The following APH1B variants were observed in gnomAD, a reference collection of about 807,000 sequenced individuals.
APH1B encodes the protein gamma-secretase subunit APH-1B.
Under a neutral mutation model 28.2 loss-of-function variants are expected in APH1B, and 27 were observed. The ratio of observed to expected loss-of-function variants is 0.96; its 90% CI spans 0.70 to 1.32. The LOEUF is 1.32. APH1B is among the 40% of genes most tolerant of loss of function. APH1B has a pLI of 0.00. For synonymous variants in APH1B, 141 were observed against 124.6 expected, an observed-to-expected ratio of 1.13 and a Z score of -0.88; for missense variants, 305 against 313.6, an observed-to-expected ratio of 0.97 and a Z score of 0.21.
intron 4 of APH1B, among the ~76,000 whole-genome samples, chr15:63,288,559 G>T (rs958666626): frequency 6.6e-6 from 1 of 152,124 alleles, no homozygotes; most frequent in African/African-American, 2.4e-5. Flanking sequence ...TGTGAATCCT[G>T]TATGCAACTA....
chr15:63,302,788 G>C (rs1415361475), intron 5 of APH1B, among the ~76,000 whole-genome samples: 1 of 152,048 alleles, frequency 6.6e-6, no homozygotes, highest in African/African-American at 2.4e-5. Flanking sequence ...TTCCAGACTC[G>C]GCACCATGAC....
At chr15:63,281,542 A>AC (rs2038387850) in intron 2 of APH1B, among the ~76,000 whole-genome samples, 3 of 132,624 alleles carry the variant, frequency 2.3e-5, no homozygotes, top group African/African-American at 8.4e-5. Flanking sequence ...TTGAAAAAAA[A>AC]AAAAAAAAAC....
chr15:63,280,572 C>A (rs553030075), intron 2 of APH1B, among the ~76,000 whole-genome samples: 1 of 152,292 alleles, frequency 6.6e-6, no homozygotes, highest in South Asian at 2.1e-4. Flanking sequence ...ATACTGAATT[C>A]CCTTTTCGTA....
intron 4 of APH1B, among the ~76,000 whole-genome samples, chr15:63,288,962 A>G (rs2038475918): frequency 6.6e-6 from 1 of 152,216 alleles, no homozygotes; most frequent in Admixed American, 6.5e-5. Context: ...AGGTTTTGCC[A>G]GCTTTTTTCA....
rs2038694113 is a variant in APH1B at position 63,307,040 on chromosome 15, G to A, written c.*1259G>A. On this transcript the variant is annotated 3_prime_UTR_variant, in exon 6 of 6. Coordinates refer to ENST00000261879, the MANE Select transcript of APH1B (RefSeq NM_031301.4). ...AATCGTGCCTTTACTATTAGAAATT[G>A]TTCCCAGTTGATGTCTTTTGGGGAG... 1 of 152,128 alleles carries A rather than the reference G, an allele frequency of 6.6e-6. No homozygotes were observed. The highest frequency in any genetic ancestry group is 1.5e-5 in the Non-Finnish European group (1 of 68,034). The allele number at this position is 152,128 out of a possible 1,614,324, so 9.4% of individuals were successfully genotyped here. A position where few individuals can be genotyped will look rare whatever the true frequency, so the allele number is the denominator to read the frequency against.
At chr15:63,300,672 C>T (rs954136076) in intron 4 of APH1B, among the ~76,000 whole-genome samples, 1 of 152,200 alleles carries the variant, frequency 6.6e-6, no homozygotes, top group African/African-American at 2.4e-5. Flanking sequence ...GAAACTGTTT[C>T]TCTTCTAATT....
chr15:63,303,476 A>G (rs541741668), intron 5 of APH1B, among the ~76,000 whole-genome samples: 2 of 152,226 alleles, frequency 1.3e-5, no homozygotes, highest in Non-Finnish European at 2.9e-5. Flanking sequence ...TAATTTACCC[A>G]TTTGACAGCA....
chr15:63,279,118 T>C, intron 1 of APH1B, 43 bp from the exon 2 acceptor site: 1 of 1,474,734 alleles, frequency 6.8e-7, no homozygotes, highest in Non-Finnish European at 9.2e-7. Flanking sequence ...TTATTAATCC[T>C]GTACTGATGT....
chr15:63,285,202 A>G (rs1420234741), intron 2 of APH1B, among the ~76,000 whole-genome samples: 1 of 152,180 alleles, frequency 6.6e-6, no homozygotes, highest in Non-Finnish European at 1.5e-5. Flanking sequence ...TGAATTCTAC[A>G]TTGCCTTAAT....
At chr15:63,287,806 A>G (rs1179067542) in intron 4 of APH1B, among the ~76,000 whole-genome samples, 1 of 152,226 alleles carries the variant, frequency 6.6e-6, no homozygotes, top group Non-Finnish European at 1.5e-5. Context: ...TTGAAATGTT[A>G]GAAGTGAATT....
intron 2 of APH1B, among the ~76,000 whole-genome samples, chr15:63,283,226 A>T (rs1055543558): frequency 6.6e-6 from 1 of 152,190 alleles, no homozygotes; most frequent in East Asian, 1.9e-4. Context: ...AAATAGCTAA[A>T]ATCTTTGATT....
chr15:63,283,066 G>C (rs1368308529), intron 2 of APH1B, among the ~76,000 whole-genome samples: 1 of 152,144 alleles, frequency 6.6e-6, no homozygotes, highest in Non-Finnish European at 1.5e-5. Context: ...ATGATGTTTT[G>C]TACTTTCTCA....
chr15:63,301,779 A>G (rs955185873), intron 4 of APH1B, among the ~76,000 whole-genome samples: 1 of 151,804 alleles, frequency 6.6e-6, no homozygotes, highest in Non-Finnish European at 1.5e-5. Flanking sequence ...TGCCTGGCTA[A>G]TTTTTGTATT....
intron 4 of APH1B, 103 bp downstream of exon 4, chr15:63,287,649 T>G (rs781600313): frequency 2.8e-5 from 40 of 1,450,386 alleles, no homozygotes; most frequent in Non-Finnish European, 3.4e-5. Flanking sequence ...ATTTATGTTA[T>G]GTCTTTTAAA....
At chr15:63,293,202 T>G (rs956377042) in intron 4 of APH1B, among the ~76,000 whole-genome samples, 4 of 152,044 alleles carry the variant, frequency 2.6e-5, no homozygotes, top group African/African-American at 9.7e-5. Context: ...TCTTACTCTG[T>G]TGCCCAGGCT....
At chr15:63,305,494 CG>C in intron 5 of APH1B, 119 bp from the exon 6 acceptor site, 1 of 1,144,668 alleles carries the variant, frequency 8.7e-7, no homozygotes, top group Non-Finnish European at 1.2e-6. Context: ...ACACATCATA[CG>C]TTTGGTGAAA....
chr15:63,296,034 A>C lies in APH1B; in HGVS notation c.479-6311A>C, dbSNP rs551972650. Reference sequence around the variant, plus strand: ...CTTAGAGAAGGTTATTTGATTAGCAATCTATATCTATATTACAGTAAATCA... The same window carrying C: ...CTTAGAGAAGGTTATTTGATTAGCACTCTATATCTATATTACAGTAAATCA... On this transcript the variant is annotated intron_variant, in intron 4 of 5. Transcript: ENST00000261879. Among the ~76,000 whole-genome samples the C allele has an allele frequency of 5.3e-5, 8 of 152,356 alleles. No homozygotes were observed. In the South Asian group the frequency reaches 1.4e-3, roughly 28 times the overall value.
intron 4 of APH1B, among the ~76,000 whole-genome samples, chr15:63,300,561 G>A (rs531414130): frequency 2.0e-4 from 31 of 152,268 alleles, no homozygotes; most frequent in Non-Finnish European, 3.1e-4. Flanking sequence ...GCTCCCCGCC[G>A]TCACCAAGCA....
At chr15:63,277,934 G>C (rs762634470) in intron 1 of APH1B, 198 bp downstream of exon 1, 79 of 591,586 alleles carry the variant, frequency 1.3e-4, no homozygotes, top group Non-Finnish European at 1.3e-4. Flanking sequence ...CTGGGGGTCA[G>C]GGCCTTTTGC....
Sources: allele counts gnomAD v4.1 joint callset (sites outside exome capture counted in the v4.1 genomes callset), GRCh38; gene constraint gnomAD v4.1.1; transcripts MANE v1.5; gene names NCBI Gene and HGNC (gene_info 2026-07-23, HGNC 2026-07-21).